The following SPATA24 variants were observed in gnomAD, a reference collection of about 807,000 sequenced individuals.
SPATA24 encodes spermatogenesis-associated protein 24.
SPATA24 carries 21 observed loss-of-function variants against 28.9 expected under a neutral mutation model. The observed-to-expected ratio is 0.73, with a 90% CI of 0.52 to 1.05. SPATA24 has a LOEUF of 1.05. SPATA24 is among the 50% of genes least tolerant of loss of function. The pLI is 0.00. For missense variants in SPATA24, 215 were observed against 242.9 expected (o/e 0.88, Z 0.76); for synonymous variants, 76 against 89.9 (o/e 0.85, Z 0.88).
At chr5:139,398,565 CCT>C (rs1465306344) in intron 4 of SPATA24, among the ~76,000 whole-genome samples, 1 of 150,200 alleles carries the variant, frequency 6.7e-6, no homozygotes, top group African/African-American at 2.5e-5. Flanking sequence ...AGAGCAAGAC[CCT>C]GTCTCTAAAT....
chr5:139,394,765 A>G (rs1758665203), downstream of SPATA24: 1 of 1,531,950 alleles, frequency 6.5e-7, no homozygotes, highest in Admixed American at 2.0e-5. Flanking sequence ...CCCCGACGGC[A>G]GCGTGCGCAG....
chr5:139,392,584 G>T (rs1758616968), downstream of SPATA24: 4 of 1,363,906 alleles, frequency 2.9e-6, no homozygotes, highest in Non-Finnish European at 2.8e-6. The surrounding 1 kb of genome is among the most constrained non-coding windows in gnomAD (Gnocchi z 5.8). Flanking sequence ...CGGGAGTGGC[G>T]CCTGGACGGC....
downstream of SPATA24, chr5:139,393,208 C>G (rs1231876812): frequency 5.2e-6 from 8 of 1,549,470 alleles, no homozygotes; most frequent in East Asian, 1.5e-4. Flanking sequence ...GCGCACGTCT[C>G]GAGGCCGCGG....
Position 139,400,667 on chromosome 5 carries a change from T to C in SPATA24, c.385+1088A>G, listed in dbSNP as rs140113422. 4.9e-3 allele frequency among the ~76,000 whole-genome samples: 738 copies of C among 152,126 alleles called. 5 individuals are homozygous for C. The highest frequency in any genetic ancestry group is 0.017 in the African/African-American group (698 of 41,476). Reference sequence around the variant, plus strand: ...CGGGAAATGAAAGGGGCTCCTGAGGTGTACGGGCATGTGTAGCTGACTCAG... The same window carrying C: ...CGGGAAATGAAAGGGGCTCCTGAGGCGTACGGGCATGTGTAGCTGACTCAG... On this transcript the variant is annotated intron_variant, in intron 4 of 5. Transcript: ENST00000450845.
chr5:139,401,626 C>G, intron 4 of SPATA24, 129 bp downstream of exon 4: 1 of 1,057,154 alleles, frequency 9.5e-7, no homozygotes, highest in Non-Finnish European at 1.4e-6. Context: ...TGTGGCCCAC[C>G]CGGGCCTGCC....
At chr5:139,394,648 G>T (rs1006776469), downstream of SPATA24, 1 of 1,534,940 alleles carries the variant, frequency 6.5e-7, no homozygotes, top group Non-Finnish European at 8.7e-7. Context: ...TGGCCCCGGC[G>T]GCAAGGGGCT....
chr5:139,401,635 C>G (rs1203836315), intron 4 of SPATA24, 120 bp downstream of exon 4: 3 of 1,159,804 alleles, frequency 2.6e-6, no homozygotes, highest in Admixed American at 4.0e-5. Flanking sequence ...CCCGGGCCTG[C>G]CTGTATCCTC....
Position 139,401,965 on chromosome 5 carries a change from T to C in SPATA24, c.264A>G (p.Val88=). The change falls in exon 3 of 6, where the codon GTA becomes GTG. Residue 88 remains valine (V), a synonymous_variant. Transcript: ENST00000450845. ...TCTCCAGCTGCTTGGATAGCACCTCTACCTCTCCGAGGGCAAACTGTAACT... is the reference window on the plus strand; with the variant it reads ...TCTCCAGCTGCTTGGATAGCACCTCCACCTCTCCGAGGGCAAACTGTAACT... ...EEKLQFALGE[V]EVLSKQLEKE... 3 of 1,551,766 alleles carry C rather than the reference T, an allele frequency of 1.9e-6. No individual in the cohort carries two copies. The African/African-American group carries it at 4.1e-5, about 21-fold the overall frequency.
intron 1 of SPATA24, among the ~76,000 whole-genome samples, chr5:139,403,590 T>TGTC (rs1758868428): frequency 6.6e-6 from 1 of 152,140 alleles, no homozygotes; most frequent in Non-Finnish European, 1.5e-5. Flanking sequence ...TCGGGAATGG[T>TGTC]GTCCATAATA....
downstream of SPATA24, chr5:139,394,584 G>A (rs775097303): frequency 1.3e-5 from 20 of 1,529,358 alleles, no homozygotes; most frequent in South Asian, 2.4e-4. Flanking sequence ...AGGTGGCCCA[G>A]CGGGAGCCAC....
chr5:139,402,026 G>A lies in SPATA24; in HGVS notation c.203C>T (p.Ala68Val). 2 of 1,551,314 alleles carry A rather than the reference G, an allele frequency of 1.3e-6. No individual in the cohort carries two copies. The highest frequency in any genetic ancestry group is 1.7e-6 in the Non-Finnish European group (2 of 1,146,942). Residue 68 changes from alanine (A) to valine (V), a missense_variant, in exon 3 of 6, where the codon GCC becomes GTC. By Grantham distance (64) the Ala-to-Val change is moderately conservative (BLOSUM62 0). Coordinates refer to ENST00000450845, the MANE Select transcript of SPATA24 (RefSeq NM_194296.2). ...CTTGGCCAGGAGGACCTTGGTTTTG[G>A]CATGGGCAGCTTTCTCTTCCTGCAG... ...KKLVEEKAAH[A>V]KTKVLLAKEE...
At chr5:139,396,407 T>C (rs900056525), downstream of SPATA24, 5 of 985,326 alleles carry the variant, frequency 5.1e-6, no homozygotes, top group African/African-American at 8.7e-5. Flanking sequence ...AAATGCAATT[T>C]GCAGGTATAA....
downstream of SPATA24, chr5:139,396,313 C>T (rs1477468509): frequency 9.1e-6 from 9 of 985,354 alleles, no homozygotes; most frequent in Non-Finnish European, 9.6e-6. Context: ...CAGATTGTTT[C>T]TCCACCTTAA....
intron 4 of SPATA24, 153 bp downstream of exon 4, chr5:139,401,602 G>A: frequency 2.5e-6 from 2 of 791,056 alleles, no homozygotes; most frequent in Non-Finnish European, 4.3e-6. Context: ...GGTCCCTTAA[G>A]GCCTTTTCGA....
chr5:139,402,789 G>A (rs1402975763), intron 1 of SPATA24, 96 bp from the exon 2 acceptor site: 4 of 888,942 alleles, frequency 4.5e-6, no homozygotes, highest in Non-Finnish European at 5.4e-6. Context: ...GATGATGCTC[G>A]TGGTACCTAG....
chr5:139,393,043 G>A (rs1758624853), downstream of SPATA24: 2 of 1,530,284 alleles, frequency 1.3e-6, no homozygotes, highest in African/African-American at 1.4e-5. Context: ...GAAAACGGAA[G>A]TGTAGTGAGC....
chr5:139,393,557 G>T, downstream of SPATA24: 3 of 1,551,208 alleles, frequency 1.9e-6, no homozygotes, highest in South Asian at 2.4e-5. Context: ...CCAATAGGAC[G>T]ATCTGGAGCC....
At chr5:139,394,097 C>G (rs1033463933), downstream of SPATA24, 3 of 1,549,980 alleles carry the variant, frequency 1.9e-6, no homozygotes, top group Non-Finnish European at 2.6e-6. Context: ...GTCCCGGGCG[C>G]AGGCTTGTCG....
intron 4 of SPATA24, among the ~76,000 whole-genome samples, chr5:139,400,302 CTT>C (rs55789939): frequency 1.3e-4 from 16 of 125,096 alleles, no homozygotes; most frequent in Admixed American, 4.2e-4. Flanking sequence ...TTCATACCTA[CTT>C]TTTTTTTTTT....
Sources: allele counts gnomAD v4.1 joint callset (sites outside exome capture counted in the v4.1 genomes callset), GRCh38; gene constraint gnomAD v4.1.1; non-coding constraint Gnocchi (gnomAD v3.1); transcripts MANE v1.5; gene names NCBI Gene and HGNC (gene_info 2026-07-23, HGNC 2026-07-21).